The following CAPN13 variants were observed in gnomAD, a reference collection of about 807,000 sequenced individuals.
CAPN13 encodes the protein calpain-13.
In CAPN13, 90 loss-of-function variants were observed where a neutral mutation model predicts 98.4. The observed-to-expected ratio is 0.92, with a 90% CI of 0.77 to 1.09. The LOEUF (loss-of-function observed/expected upper bound fraction) is 1.09. Ranked by LOEUF, CAPN13 falls within the 50% of genes least tolerant of loss-of-function variation. The pLI, the probability that CAPN13 is intolerant of heterozygous loss-of-function variation, is 0.00. For missense variants in CAPN13, 887 were observed against 841.3 expected (o/e 1.05, Z -0.67); for synonymous variants, 330 against 305.5 (o/e 1.08, Z -0.84).
chr2:30,752,017 G>A (rs527664562), intron 10 of CAPN13, among the ~76,000 whole-genome samples: 1 of 152,244 alleles, frequency 6.6e-6, no homozygotes, highest in East Asian at 1.9e-4. Flanking sequence ...ATCCAGGGGA[G>A]AGGGCCTTGG....
chr2:30,735,764 T>C (rs1671330614), intron 18 of CAPN13, among the ~76,000 whole-genome samples: 1 of 152,210 alleles, frequency 6.6e-6, no homozygotes, highest in African/African-American at 2.4e-5. Context: ...TTTAGTGACA[T>C]GGCTAGACAT....
intron 19 of CAPN13, among the ~76,000 whole-genome samples, chr2:30,733,749 A>G (rs1243169138): frequency 6.6e-6 from 1 of 152,192 alleles, no homozygotes; most frequent in African/African-American, 2.4e-5. Flanking sequence ...AGGATGATGG[A>G]GACTATCCTT....
Position 30,736,172 on chromosome 2 carries a change from G to A in CAPN13, c.1722+331C>T, listed in dbSNP as rs544006709. On this transcript the variant is annotated intron_variant, in intron 18 of 22. Transcript: ENST00000295055. ...TTTTCGACAGATCCTCTGGCAGGTG[G>A]ATTGGACGGGAATGAGATAAGCTAG... Among the ~76,000 whole-genome samples, 3 of 145,152 alleles carry A rather than the reference G, an allele frequency of 2.1e-5. No homozygotes were observed. In the South Asian group the frequency reaches 7.1e-4, roughly 34 times the overall value.
chr2:30,805,892 G>A (rs1675594323), intron 1 of CAPN13, among the ~76,000 whole-genome samples: 1 of 151,846 alleles, frequency 6.6e-6, no homozygotes, highest in African/African-American at 2.4e-5. Flanking sequence ...CAATAGCTGG[G>A]ACTACAGGTG....
chr2:30,761,500 G>A (rs1460254533), intron 7 of CAPN13, among the ~76,000 whole-genome samples: 1 of 152,138 alleles, frequency 6.6e-6, no homozygotes, highest in African/African-American at 2.4e-5. Context: ...AGCCTCTGCG[G>A]GGACTCATGC....
At position 30,777,701 on chromosome 2, in the gene CAPN13, T is replaced by C. The variant is rs892233764; in HGVS notation, c.199-62A>G. ...TATTCCTTTGTATCCCAAAGCGACA[T>C]CATTCACTTTGTCTTTCAAGGGTCG... is the stretch of plus-strand genomic sequence containing the variant. On this transcript the variant is annotated intron_variant, in intron 2 of 22. Transcript: ENST00000295055. 3.8e-6 allele frequency: 5 copies of C among 1,311,716 alleles called. No individual in the cohort carries two copies. The Middle Eastern group carries it at 7.2e-4, about 190-fold the overall frequency. 81.3% of individuals were successfully genotyped at this position (1,311,716 alleles called of 1,614,324 possible).
At chr2:30,779,815 C>G (rs1673895978) in intron 2 of CAPN13, among the ~76,000 whole-genome samples, 1 of 151,930 alleles carries the variant, frequency 6.6e-6, no homozygotes, top group Non-Finnish European at 1.5e-5. Flanking sequence ...ATAAATTGTT[C>G]TATTATTTGC....
intron 1 of CAPN13, among the ~76,000 whole-genome samples, chr2:30,801,466 G>A (rs1030644270): frequency 9.2e-5 from 14 of 151,810 alleles, no homozygotes; most frequent in Non-Finnish European, 1.6e-4. Flanking sequence ...CTAGCTGGGC[G>A]TGGTGGTGTG....
At chr2:30,735,371 C>T (rs1261502998) in intron 18 of CAPN13, among the ~76,000 whole-genome samples, 1 of 152,218 alleles carries the variant, frequency 6.6e-6, no homozygotes, top group Non-Finnish European at 1.5e-5. Flanking sequence ...CACACACAGG[C>T]ATGTGACTGA....
intron 1 of CAPN13, among the ~76,000 whole-genome samples, chr2:30,800,015 AG>A (rs1675102910): frequency 6.6e-6 from 1 of 151,988 alleles, no homozygotes; most frequent in Non-Finnish European, 1.5e-5. Context: ...CAGAGCTTGC[AG>A]TGAGCCGAGA....
chr2:30,780,642 G>A (rs1364982559), intron 2 of CAPN13, among the ~76,000 whole-genome samples: 1 of 152,222 alleles, frequency 6.6e-6, no homozygotes. Flanking sequence ...CAAATCAATA[G>A]TCAACTTCAA....
intron 1 of CAPN13, among the ~76,000 whole-genome samples, chr2:30,803,985 C>T (rs1339298025): frequency 6.6e-6 from 1 of 152,220 alleles, no homozygotes; most frequent in Non-Finnish European, 1.5e-5. Context: ...GCTTCTCATG[C>T]ACCCCCACAG....
intron 22 of CAPN13, among the ~76,000 whole-genome samples, chr2:30,730,443 G>C (rs1027635479): frequency 2.6e-5 from 4 of 152,194 alleles, no homozygotes; most frequent in Non-Finnish European, 5.9e-5. Context: ...CGTGATGAGA[G>C]ATACTTTTTT....
intron 5 of CAPN13, 27 bp from the exon 6 acceptor site, chr2:30,764,333 C>T (rs747545464): frequency 9.9e-6 from 16 of 1,609,504 alleles, no homozygotes; most frequent in African/African-American, 5.3e-5. Flanking sequence ...GATGAACCAT[C>T]GTGGTGCCTT....
At chr2:30,745,799 C>A in intron 11 of CAPN13, 65 bp from the exon 12 acceptor site, 5 of 1,441,620 alleles carry the variant, frequency 3.5e-6, no homozygotes, top group Non-Finnish European at 4.8e-6. Flanking sequence ...CAAGCAGAAC[C>A]GAACAGCTTG....
At chr2:30,791,252 A>G (rs1674593666) in intron 1 of CAPN13, among the ~76,000 whole-genome samples, 2 of 152,184 alleles carry the variant, frequency 1.3e-5, no homozygotes, top group Admixed American at 6.5e-5. Flanking sequence ...ACATTATTTG[A>G]ATTAACGGAA....
chr2:30,800,077 AAAAG>A (rs1170202857), intron 1 of CAPN13, among the ~76,000 whole-genome samples: 7 of 149,514 alleles, frequency 4.7e-5, no homozygotes, highest in African/African-American at 1.0e-4. Context: ...CCATCTCAAA[AAAAG>A]AAAGAAAGAA....
At chr2:30,764,701 G>T (rs994589530) in intron 5 of CAPN13, among the ~76,000 whole-genome samples, 3 of 152,128 alleles carry the variant, frequency 2.0e-5, no homozygotes, top group African/African-American at 7.2e-5. Context: ...ATCCCTTAAT[G>T]AGTCCTGGAT....
chr2:30,747,510 AG>A (rs1671972198), intron 11 of CAPN13, among the ~76,000 whole-genome samples: 3 of 152,140 alleles, frequency 2.0e-5, no homozygotes, highest in African/African-American at 7.2e-5. Context: ...ACTTTGAGGG[AG>A]GTGAGGATGA....
Sources: gnomAD v4.1 joint callset for allele counts (sites outside exome capture counted in the v4.1 genomes callset) on GRCh38, gnomAD v4.1.1 for gene constraint, MANE v1.5 for transcripts, NCBI Gene and HGNC (gene_info 2026-07-23, HGNC 2026-07-21) for gene names.